Variants in PDE4D observed in about 807,000 individuals in gnomAD.
The protein encoded by PDE4D is phosphodiesterase 4D, also known as 3',5'-cyclic-AMP phosphodiesterase 4D.
A neutral mutation model predicts 87.4 loss-of-function variants in PDE4D; 24 were observed. The observed-to-expected ratio is 0.27, with a 90% CI of 0.20 to 0.39. The LOEUF is 0.39. Ranked by LOEUF, PDE4D falls within the 10% of genes least tolerant of loss-of-function variation. The pLI, the probability that PDE4D is intolerant of heterozygous loss-of-function variation, is 1.00. For missense variants in PDE4D, 714 were observed against 1,041.0 expected (o/e 0.69, Z 4.32); for synonymous variants, 384 against 383.2 (o/e 1.00, Z -0.02).
intron 1 of PDE4D, among the ~76,000 whole-genome samples, chr5:59,239,022 A>C (rs1480432566): frequency 2.0e-5 from 3 of 152,176 alleles, no homozygotes; most frequent in African/African-American, 7.2e-5. Context: ...TACCAAAATA[A>C]ATACTGCTTA....
At chr5:59,919,489 T>G (rs1754436502) in intron 3 of PDE4D, among the ~76,000 whole-genome samples, 1 of 152,190 alleles carries the variant, frequency 6.6e-6, no homozygotes, top group Non-Finnish European at 1.5e-5. Context: ...TATCTGTACT[T>G]TATGCATAAA....
chr5:60,103,896 G>T (rs1776525088), intron 2 of PDE4D, among the ~76,000 whole-genome samples: 1 of 152,048 alleles, frequency 6.6e-6, no homozygotes, highest in African/African-American at 2.4e-5. Flanking sequence ...TGGACAAATA[G>T]GAACAGCTCC....
At position 59,921,334 on chromosome 5, in the gene PDE4D, C is replaced by A. The variant is rs371394939; in HGVS notation, c.272+67154G>T. Among the ~76,000 whole-genome samples the A allele has an allele frequency of 5.3e-5, 8 of 151,892 alleles. No individual in the cohort carries two copies. The South Asian group carries it at 6.2e-4, about 12-fold the overall frequency. On this transcript the variant is annotated intron_variant, in intron 3 of 16. Coordinates refer to the PDE4D transcript ENST00000502484. ...ATAATGGCCATTCATATAATATGAA[C>A]ATTATTAAGTAGTGTTAATTCTCAT...
chr5:59,576,251 A>T (rs1823127759), intron 1 of PDE4D, among the ~76,000 whole-genome samples: 1 of 152,158 alleles, frequency 6.6e-6, no homozygotes, highest in African/African-American at 2.4e-5. Context: ...AGGTTAGATA[A>T]GTGACCCAAG....
chr5:60,182,653 C>A (rs928906640), intron 2 of PDE4D, among the ~76,000 whole-genome samples: 1 of 151,946 alleles, frequency 6.6e-6, no homozygotes, highest in Non-Finnish European at 1.5e-5. Context: ...CCGAGGCGGG[C>A]GGATCACGAG....
chr5:60,451,703 AAAG>A (rs944434201), intron 1 of PDE4D, among the ~76,000 whole-genome samples: 5 of 152,094 alleles, frequency 3.3e-5, no homozygotes, highest in Non-Finnish European at 5.9e-5. Flanking sequence ...TTTAAAAGCC[AAAG>A]AAGAATTCCC....
chr5:59,093,542 C>A (rs528056461), intron 5 of PDE4D, among the ~76,000 whole-genome samples: 3 of 152,310 alleles, frequency 2.0e-5, no homozygotes, highest in East Asian at 1.9e-4. Flanking sequence ...AAGTGGGGTA[C>A]CCCCTAATCA....
intron 1 of PDE4D, among the ~76,000 whole-genome samples, chr5:59,322,504 T>C (rs1374379099): frequency 6.6e-6 from 1 of 152,132 alleles, no homozygotes; most frequent in Non-Finnish European, 1.5e-5. Context: ...CCTGAGTTTG[T>C]CAAGAAGCTC....
At chr5:60,518,766 G>A (rs572510855) in intron 1 of PDE4D, among the ~76,000 whole-genome samples, 2 of 152,218 alleles carry the variant, frequency 1.3e-5, no homozygotes, top group African/African-American at 4.8e-5. Flanking sequence ...AAAGTTGCTA[G>A]GGGCTCATCA....
intron 2 of PDE4D, among the ~76,000 whole-genome samples, chr5:60,135,157 T>C (rs532212558): frequency 6.6e-6 from 1 of 152,180 alleles, no homozygotes; most frequent in African/African-American, 2.4e-5. Context: ...ATAAAAGAGG[T>C]CCAAGAGAGA....
chr5:59,933,154 T>C, intron 3 of PDE4D, among the ~76,000 whole-genome samples: 1 of 152,180 alleles, frequency 6.6e-6, no homozygotes, highest in East Asian at 1.9e-4. Context: ...AGGTTCAAAG[T>C]CCTGACCCTG....
chr5:60,403,731 A>G (rs1741285870), intron 1 of PDE4D, among the ~76,000 whole-genome samples: 1 of 152,128 alleles, frequency 6.6e-6, no homozygotes, highest in South Asian at 2.1e-4. Context: ...AGTCTGCTGT[A>G]CTCCACAACC....
chr5:60,234,685 G>T (rs537134775), intron 1 of PDE4D, among the ~76,000 whole-genome samples: 1 of 151,906 alleles, frequency 6.6e-6, no homozygotes, highest in Admixed American at 6.6e-5. Context: ...GACTTTCTTT[G>T]TGGGAAATTT....
intron 5 of PDE4D, among the ~76,000 whole-genome samples, chr5:59,144,143 C>G (rs999594391): frequency 8.5e-5 from 13 of 152,136 alleles, no homozygotes; most frequent in Non-Finnish European, 1.8e-4. Flanking sequence ...GTCTAATTTT[C>G]TATTGTTAAA....
At chr5:59,600,239 AAG>A (rs1226917128) in intron 1 of PDE4D, among the ~76,000 whole-genome samples, 2 of 152,162 alleles carry the variant, frequency 1.3e-5, no homozygotes, top group Non-Finnish European at 2.9e-5. Context: ...AGCCCGCTTT[AAG>A]AGAGGGTAGG....
intron 5 of PDE4D, among the ~76,000 whole-genome samples, chr5:59,148,480 G>A (rs187084324): frequency 2.0e-5 from 3 of 152,204 alleles, no homozygotes; most frequent in African/African-American, 7.2e-5. Context: ...ATAGCATGGA[G>A]ACAATGACAA....
intron 2 of PDE4D, among the ~76,000 whole-genome samples, chr5:60,066,055 T>C (rs1039723816): frequency 1.3e-5 from 2 of 152,200 alleles, no homozygotes; most frequent in Non-Finnish European, 2.9e-5. Flanking sequence ...CCACCAACAG[T>C]GTAAAAGTGT....
intron 2 of PDE4D, among the ~76,000 whole-genome samples, chr5:60,008,614 A>T (rs572552499): frequency 2.0e-5 from 3 of 151,942 alleles, no homozygotes; most frequent in Non-Finnish European, 4.4e-5. Context: ...GCTATGGGAG[A>T]AGCAACATAA....
At chr5:60,046,835 G>T (rs1769323655) in intron 2 of PDE4D, among the ~76,000 whole-genome samples, 1 of 151,282 alleles carries the variant, frequency 6.6e-6, no homozygotes, top group South Asian at 2.1e-4. Context: ...TCTCTTTTTT[G>T]GTTGTGTCTC....
Sources: gnomAD v4.1 joint callset for allele counts (sites outside exome capture counted in the v4.1 genomes callset) on GRCh38, gnomAD v4.1.1 for gene constraint, MANE v1.5 for transcripts, NCBI Gene and HGNC (gene_info 2026-07-23, HGNC 2026-07-21) for gene names.